Variants in LARP1 observed in about 807,000 individuals in gnomAD.
LARP1 encodes the protein la-related protein 1.
Under a neutral mutation model 122.7 loss-of-function variants are expected in LARP1, and 36 were observed. That is an observed-to-expected ratio of 0.29 (90% CI 0.22 to 0.39). The LOEUF is 0.39. LARP1 is among the 10% of genes least tolerant of loss of function. The pLI is 1.00. For missense variants in LARP1, 1,040 were observed against 1,403.6 expected, an observed-to-expected ratio of 0.74 and a Z score of 4.14; for synonymous variants, 539 against 528.7, an observed-to-expected ratio of 1.02 and a Z score of -0.27.
At position 154,814,263 on chromosome 5, in the gene LARP1, T is replaced by A. The variant is rs1759518214; in HGVS notation, c.*167T>A. On this transcript the variant is annotated 3_prime_UTR_variant, in exon 19 of 19. Transcript: ENST00000518297. ...TATACACCATTTGGGCTATCAGAGGTACCCCTGGGCAGGAGCCTCTACATC... is the reference window on the plus strand; with the variant it reads ...TATACACCATTTGGGCTATCAGAGGAACCCCTGGGCAGGAGCCTCTACATC... 4.6e-6 allele frequency: 3 copies of A among 645,514 alleles called. No individual in the cohort carries two copies. Among genetic ancestry groups the A allele is most frequent in the Middle Eastern group, 4.1e-4 (1 of 2,450 alleles). The allele number at this position is 645,514 out of a possible 1,614,324, so 40.0% of individuals were successfully genotyped here. A position where few individuals can be genotyped will look rare whatever the true frequency, so the allele number is the denominator to read the frequency against.
rs191893889 is a variant in LARP1 at position 154,729,533 on chromosome 5, C to T, written c.205+16403C>T. 289 of 430,322 alleles carry T rather than the reference C, an allele frequency of 6.7e-4. 1 individual carries two copies. The highest frequency in any genetic ancestry group is 5.5e-3 in the African/African-American group (266 of 48,380). 26.7% of individuals were successfully genotyped at this position (430,322 alleles called of 1,614,324 possible). A position where few individuals can be genotyped will look rare whatever the true frequency, so the allele number is the denominator to read the frequency against. On this transcript the variant is annotated intron_variant, in intron 1 of 18. Transcript: ENST00000336314. ...GCATTCTAAGAGCTGACATAGCTTC[C>T]TGAAAAGTGTGAAGGAAAATGATCA...
chr5:154,737,436 CTTTTT>C (rs10526758), intron 1 of LARP1, among the ~76,000 whole-genome samples: 10 of 95,306 alleles, frequency 1.0e-4, no homozygotes, highest in East Asian at 1.0e-3. Context: ...GAATTTTTCT[CTTTTT>C]TTTTTTTTTT....
chr5:154,804,070 A>G, intron 13 of LARP1, 131 bp from the exon 14 acceptor site: 1 of 730,460 alleles, frequency 1.4e-6, no homozygotes, highest in Non-Finnish European at 2.4e-6. Flanking sequence ...TGTGAACTTT[A>G]TACGAGAATG....
At chr5:154,791,736 T>G (rs1757370220) in intron 3 of LARP1, among the ~76,000 whole-genome samples, 1 of 152,188 alleles carries the variant, frequency 6.6e-6, no homozygotes, top group African/African-American at 2.4e-5. Context: ...CCTACATATA[T>G]GAAAAGTTGG....
chr5:154,805,587 G>T (rs2113849690), intron 14 of LARP1, among the ~76,000 whole-genome samples: 1 of 152,304 alleles, frequency 6.6e-6, no homozygotes, highest in East Asian at 1.9e-4. Flanking sequence ...TTAATAAATG[G>T]TTAAAAGCTC....
chr5:154,734,796 C>A (rs977336939), intron 1 of LARP1, among the ~76,000 whole-genome samples: 1 of 152,086 alleles, frequency 6.6e-6, no homozygotes, highest in Non-Finnish European at 1.5e-5. Flanking sequence ...TAAACTGAAA[C>A]TCTGCACCCA....
At chr5:154,752,897 C>T (rs943331933), upstream of LARP1, among the ~76,000 whole-genome samples, 7 of 152,150 alleles carry the variant, frequency 4.6e-5, no homozygotes, top group East Asian at 5.9e-4. Flanking sequence ...TGAGATCCCA[C>T]CACTGCACTC....
At chr5:154,797,680 CTTTT>C (rs79974250) in intron 8 of LARP1, among the ~76,000 whole-genome samples, 1 of 138,132 alleles carries the variant, frequency 7.2e-6, no homozygotes, top group Non-Finnish European at 1.6e-5. Flanking sequence ...TGTCTACCGT[CTTTT>C]TTTTTTTTTT....
At chr5:154,807,452 A>G (rs1177288895) in intron 15 of LARP1, among the ~76,000 whole-genome samples, 2 of 152,104 alleles carry the variant, frequency 1.3e-5, no homozygotes, top group Non-Finnish European at 2.9e-5. Context: ...TGAAATATAA[A>G]ATTTTCGTTT....
At chr5:154,794,968 G>A (rs888474123) in intron 7 of LARP1, among the ~76,000 whole-genome samples, 1 of 152,200 alleles carries the variant, frequency 6.6e-6, no homozygotes, top group Non-Finnish European at 1.5e-5. Flanking sequence ...TAGGGCAGAG[G>A]GAGTGATTTG....
chr5:154,760,312 G>T (rs1023826647), intron 1 of LARP1, among the ~76,000 whole-genome samples: 9 of 152,124 alleles, frequency 5.9e-5, no homozygotes, highest in African/African-American at 2.2e-4. Flanking sequence ...CTTTCTCTGT[G>T]CCTGTTTCTT....
At chr5:154,746,787 C>T (rs1278324686) in intron 1 of LARP1, among the ~76,000 whole-genome samples, 1 of 152,088 alleles carries the variant, frequency 6.6e-6, no homozygotes, top group Non-Finnish European at 1.5e-5. Context: ...TTACTCAAGG[C>T]CAGGAGTTCA....
intron 1 of LARP1, among the ~76,000 whole-genome samples, chr5:154,717,787 C>G (rs1197116309): frequency 6.6e-6 from 1 of 152,190 alleles, no homozygotes; most frequent in Non-Finnish European, 1.5e-5. Context: ...ATTTCAGCAT[C>G]TGGGTGTCCT....
intron 1 of LARP1, chr5:154,685,791 C>T (rs778059978): frequency 9.9e-6 from 5 of 502,596 alleles, no homozygotes; most frequent in African/African-American, 8.1e-5. Context: ...GGCAACATAG[C>T]GAGACCTCAA....
In LARP1 at chr5:154,725,763, G is replaced by C. The variant is rs139414657; in HGVS notation, c.205+12633G>C. 2.0e-5 allele frequency among the ~76,000 whole-genome samples: 3 copies of C among 152,284 alleles called. No individual in the cohort carries two copies. The East Asian group carries it at 5.8e-4, about 29-fold the overall frequency. On this transcript the variant is annotated intron_variant, in intron 1 of 18. Coordinates refer to the LARP1 transcript ENST00000336314. ...TGAGCAGAGAGTCTGGTAGTGTTAT[G>C]AGGCTGGGGAATAGAATAAAAATTG...
chr5:154,703,059 T>G (rs934280507), intron 1 of LARP1, among the ~76,000 whole-genome samples: 2 of 138,782 alleles, frequency 1.4e-5, no homozygotes, highest in Admixed American at 1.7e-4. Flanking sequence ...AGGTGGAGGT[T>G]GCAGTGAGCC....
chr5:154,783,628 A>C (rs1354732235), intron 1 of LARP1, among the ~76,000 whole-genome samples: 2 of 152,196 alleles, frequency 1.3e-5, no homozygotes, highest in Non-Finnish European at 2.9e-5. Context: ...TTATCTTGGC[A>C]AATAACCTTT....
intron 1 of LARP1, among the ~76,000 whole-genome samples, chr5:154,744,617 T>A (rs1249286388): frequency 6.5e-5 from 2 of 30,682 alleles, no homozygotes; most frequent in East Asian, 4.7e-4. Context: ...GGATATGCAA[T>A]TTTTTTTTTT....
At chr5:154,807,395 C>T (rs1435681671) in intron 15 of LARP1, among the ~76,000 whole-genome samples, 1 of 151,972 alleles carries the variant, frequency 6.6e-6, no homozygotes, top group Non-Finnish European at 1.5e-5. Context: ...AACCCTTTGA[C>T]AAAATTAAAC....
Sources: allele counts gnomAD v4.1 joint callset (sites outside exome capture counted in the v4.1 genomes callset), GRCh38; gene constraint gnomAD v4.1.1; transcripts MANE v1.5; gene names NCBI Gene and HGNC (gene_info 2026-07-23, HGNC 2026-07-21).